Variants in SAMD5 observed in about 807,000 individuals in gnomAD.
SAMD5 encodes the protein sterile alpha motif domain-containing protein 5.
In SAMD5, 13 loss-of-function variants were observed where a neutral mutation model predicts 11.3. The ratio of observed to expected loss-of-function variants is 1.15; its 90% CI spans 0.75 to 1.83. The LOEUF is 1.83. Ranked by LOEUF, SAMD5 falls within the 40% of genes most tolerant of loss-of-function variation. SAMD5 has a pLI of 0.00. For synonymous variants in SAMD5, 129 were observed against 111.3 expected (o/e 1.16, Z -1.00); for missense variants, 255 against 239.1 (o/e 1.07, Z -0.44).
the SAMD5 span, among the ~76,000 whole-genome samples, chr6:147,793,660 G>A: frequency 1.3e-5 from 2 of 152,046 alleles, no homozygotes; most frequent in Non-Finnish European, 2.9e-5. Context: ...TACCTATTTA[G>A]GCTGTTTTCA....
At chr6:147,758,823 T>A in the SAMD5 span, among the ~76,000 whole-genome samples, 81,780 of 151,846 alleles carry the variant, frequency 0.54, 22,799 homozygotes, top group Middle Eastern at 0.65. Context: ...TTGGGGGTAC[T>A]CTGAAAGAAG....
intron 1 of SAMD5, among the ~76,000 whole-genome samples, chr6:147,537,462 C>T (rs756740983): frequency 6.6e-6 from 1 of 151,936 alleles, no homozygotes; most frequent in Non-Finnish European, 1.5e-5. Context: ...ATTTTTAAAA[C>T]AGAAAACCGG....
At chr6:147,916,723 C>T in the SAMD5 span, among the ~76,000 whole-genome samples, 1 of 127,294 alleles carries the variant, frequency 7.9e-6, no homozygotes, top group African/African-American at 3.0e-5. Context: ...CACCCCACTA[C>T]AGTCCCCAGA....
At chr6:147,878,620 T>TAC in the SAMD5 span, among the ~76,000 whole-genome samples, 1 of 146,738 alleles carries the variant, frequency 6.8e-6, no homozygotes, top group African/African-American at 2.5e-5. Context: ...TAGATATATA[T>TAC]GTATATATAT....
At chr6:147,579,195 T>C (rs1789259942) in intron 1 of SAMD5, among the ~76,000 whole-genome samples, 1 of 152,250 alleles carries the variant, frequency 6.6e-6, no homozygotes, top group Non-Finnish European at 1.5e-5. Context: ...TGCAGAGAAC[T>C]TAATCTCTAT....
intron 1 of SAMD5, among the ~76,000 whole-genome samples, chr6:147,515,789 A>G (rs1377565866): frequency 6.6e-6 from 1 of 152,208 alleles, no homozygotes; most frequent in East Asian, 1.9e-4. Flanking sequence ...TATTTCTGCA[A>G]ACATGAAGGA....
the SAMD5 span, among the ~76,000 whole-genome samples, chr6:147,827,381 C>T: frequency 2.6e-5 from 4 of 152,044 alleles, no homozygotes; most frequent in East Asian, 7.8e-4. Flanking sequence ...ATGATAAACT[C>T]AGTAAGTCAA....
chr6:147,918,669 T>C, the SAMD5 span, among the ~76,000 whole-genome samples: 1 of 148,610 alleles, frequency 6.7e-6, no homozygotes, highest in East Asian at 2.0e-4. Flanking sequence ...AAAATCAATG[T>C]GCAAAAATCA....
At chr6:147,933,456 G>A in the SAMD5 span, among the ~76,000 whole-genome samples, 4 of 152,140 alleles carry the variant, frequency 2.6e-5, no homozygotes, top group Non-Finnish European at 5.9e-5. Flanking sequence ...GCTGACAAAC[G>A]TGTAGAGCTT....
intron 1 of SAMD5, among the ~76,000 whole-genome samples, chr6:147,535,090 G>A (rs1788486944): frequency 6.6e-6 from 1 of 152,156 alleles, no homozygotes; most frequent in African/African-American, 2.4e-5. Context: ...CTTCCTTTGG[G>A]TTTTATAACA....
the SAMD5 span, among the ~76,000 whole-genome samples, chr6:147,909,506 G>A: frequency 3.3e-5 from 5 of 151,996 alleles, no homozygotes; most frequent in Admixed American, 3.3e-4. Context: ...ATTATTAAAT[G>A]GGAAAAGAGC....
the SAMD5 span, among the ~76,000 whole-genome samples, chr6:147,766,639 G>T: frequency 2.6e-5 from 4 of 152,090 alleles, no homozygotes; most frequent in Non-Finnish European, 5.9e-5. Context: ...AACCTCCCAC[G>T]TCTTAGAGAA....
chr6:147,795,259 C>T, the SAMD5 span, among the ~76,000 whole-genome samples: 1 of 139,744 alleles, frequency 7.2e-6, no homozygotes, highest in Non-Finnish European at 1.5e-5. Flanking sequence ...TGTTCCCCTT[C>T]CCGTGTCCAT....
chr6:147,939,866 A>G, the SAMD5 span, among the ~76,000 whole-genome samples: 56 of 151,864 alleles, frequency 3.7e-4, no homozygotes, highest in Non-Finnish European at 6.9e-4. Context: ...TTCTATTATT[A>G]CCGAAAGTAT....
the SAMD5 span, among the ~76,000 whole-genome samples, chr6:147,843,362 G>A: frequency 6.6e-6 from 1 of 152,208 alleles, no homozygotes; most frequent in African/African-American, 2.4e-5. Context: ...ATAAATGGAA[G>A]GATATCCTGT....
the SAMD5 span, among the ~76,000 whole-genome samples, chr6:147,893,137 G>T: frequency 1.3e-5 from 2 of 151,894 alleles, no homozygotes; most frequent in African/African-American, 4.8e-5. Context: ...GGGAGGCAGA[G>T]GTTGCAGTGA....
At chr6:147,577,306 G>A (rs916854294) in intron 1 of SAMD5, among the ~76,000 whole-genome samples, 4 of 152,178 alleles carry the variant, frequency 2.6e-5, no homozygotes, top group East Asian at 3.9e-4. Context: ...TTTAGAAAAC[G>A]TTTGTCATTG....
chr6:147,556,908 A>G (rs17076947), intron 1 of SAMD5, among the ~76,000 whole-genome samples: 3,802 of 152,310 alleles, frequency 0.025, 160 homozygotes, highest in African/African-American at 0.087. Context: ...TTGCAATTTA[A>G]AATAAATCAC....
At chr6:147,889,589 T>C in the SAMD5 span, among the ~76,000 whole-genome samples, 1 of 152,234 alleles carries the variant, frequency 6.6e-6, no homozygotes, top group Non-Finnish European at 1.5e-5. Flanking sequence ...CTATAAATAT[T>C]CTTGAGCTTT....
Sources: allele counts gnomAD v4.1 joint callset (sites outside exome capture counted in the v4.1 genomes callset), GRCh38; gene constraint gnomAD v4.1.1; transcripts MANE v1.5; gene names NCBI Gene and HGNC (gene_info 2026-07-23, HGNC 2026-07-21).